The following DPP10 variants were observed in gnomAD, a reference collection of about 807,000 sequenced individuals.
DPP10 encodes the protein dipeptidyl peptidase like 10.
Under a neutral mutation model 120.9 loss-of-function variants are expected in DPP10, and 33 were observed. That is an observed-to-expected ratio of 0.27 (90% confidence interval 0.21 to 0.37). The LOEUF is 0.37. Among genes scored for constraint, DPP10 ranks in the 10% least tolerant of loss-of-function variants. DPP10 has a pLI of 1.00. For synonymous variants in DPP10, 337 were observed against 326.1 expected (o/e 1.03, Z -0.36); for missense variants, 816 against 942.8 (o/e 0.87, Z 1.76).
intron 5 of DPP10, among the ~76,000 whole-genome samples, chr2:115,649,376 A>G (rs4592858): frequency 2.6e-5 from 4 of 152,110 alleles, no homozygotes; most frequent in African/African-American, 4.8e-5. Flanking sequence ...AAAGATTAAC[A>G]TTAAACTCGT....
At chr2:115,344,461 G>T (rs569667835) in intron 3 of DPP10, among the ~76,000 whole-genome samples, 11 of 152,172 alleles carry the variant, frequency 7.2e-5, no homozygotes, top group African/African-American at 2.4e-4. Flanking sequence ...AATATGATTG[G>T]TTTTTGTTAT....
intron 1 of DPP10, among the ~76,000 whole-genome samples, chr2:115,022,074 A>G (rs969833162): frequency 1.3e-5 from 2 of 152,158 alleles, no homozygotes; most frequent in Admixed American, 1.3e-4. Context: ...AACGGGGAAA[A>G]GTTGAAAGCA....
At chr2:115,474,046 C>A (rs2074910443) in intron 3 of DPP10, among the ~76,000 whole-genome samples, 1 of 152,116 alleles carries the variant, frequency 6.6e-6, no homozygotes, top group South Asian at 2.1e-4. Context: ...GACGTCGTGA[C>A]CTTTAACTCA....
intron 2 of DPP10, among the ~76,000 whole-genome samples, chr2:115,331,687 G>A (rs1320816634): frequency 6.6e-6 from 1 of 152,112 alleles, no homozygotes; most frequent in East Asian, 1.9e-4. Flanking sequence ...TAATCATATG[G>A]TTTTTGTCTT....
chr2:115,714,429 A>G (rs1302847492), intron 7 of DPP10, among the ~76,000 whole-genome samples: 1 of 152,186 alleles, frequency 6.6e-6, no homozygotes, highest in Non-Finnish European at 1.5e-5. Context: ...CCAAAATTGG[A>G]CCAGTATTGT....
chr2:114,609,790 G>A (rs1234465517), intron 1 of DPP10, among the ~76,000 whole-genome samples: 1 of 152,126 alleles, frequency 6.6e-6, no homozygotes, highest in Non-Finnish European at 1.5e-5. Context: ...AACCTTCAAA[G>A]AGCATCAACA....
At chr2:115,528,851 G>T (rs2078288730) in intron 5 of DPP10, among the ~76,000 whole-genome samples, 1 of 149,894 alleles carries the variant, frequency 6.7e-6, no homozygotes, top group Admixed American at 6.6e-5. Context: ...GTTTCCAGGA[G>T]AAAAGGAGGG....
chr2:115,828,825 G>A (rs1489661907), intron 21 of DPP10, among the ~76,000 whole-genome samples: 1 of 151,970 alleles, frequency 6.6e-6, no homozygotes, highest in Non-Finnish European at 1.5e-5. Flanking sequence ...AAAATAAATT[G>A]TATATTTATT....
chr2:115,322,500 C>T (rs1001991386), intron 2 of DPP10, among the ~76,000 whole-genome samples: 1 of 152,162 alleles, frequency 6.6e-6, no homozygotes, highest in South Asian at 2.1e-4. Flanking sequence ...ACTTAGCCAG[C>T]CCATTTACAA....
At chr2:115,598,977 C>A (rs1341087070) in intron 5 of DPP10, among the ~76,000 whole-genome samples, 1 of 151,174 alleles carries the variant, frequency 6.6e-6, no homozygotes, top group Non-Finnish European at 1.5e-5. Context: ...TATTTTTTAC[C>A]TCTGTAAAGG....
chr2:115,287,330 C>T lies in DPP10; in HGVS notation c.61-21909C>T, dbSNP rs201703402. Among the ~76,000 whole-genome samples, 228 of 152,006 alleles carry T rather than the reference C, an allele frequency of 1.5e-3. 1 individual carries two copies. Among genetic ancestry groups the T allele is most frequent in the African/African-American group, 5.2e-3 (215 of 41,486 alleles). On this transcript the variant is annotated intron_variant, in intron 1 of 25. Transcript: ENST00000410059. Reference sequence around the variant, plus strand: ...TTTCAGTAGCTTGAGGGGTACAAGTCGTGCTGGGTTATGTGGATGATCGTA... The same window carrying T: ...TTTCAGTAGCTTGAGGGGTACAAGTTGTGCTGGGTTATGTGGATGATCGTA...
chr2:115,100,562 G>A (rs1419577664), intron 1 of DPP10, among the ~76,000 whole-genome samples: 2 of 151,944 alleles, frequency 1.3e-5, no homozygotes, highest in Non-Finnish European at 2.9e-5. Flanking sequence ...GTATGTACAT[G>A]TGTGTGTGTA....
intron 17 of DPP10, among the ~76,000 whole-genome samples, chr2:115,787,615 A>G (rs1683484913): frequency 6.6e-6 from 1 of 152,142 alleles, no homozygotes; most frequent in Non-Finnish European, 1.5e-5. Flanking sequence ...CATCTATCAT[A>G]TTTGTAATTA....
intron 12 of DPP10, among the ~76,000 whole-genome samples, chr2:115,767,437 A>C (rs1462652700): frequency 6.6e-6 from 1 of 151,674 alleles, no homozygotes; most frequent in African/African-American, 2.4e-5. Flanking sequence ...TTTTTCCTGA[A>C]GAAAGAGCAG....
chr2:114,930,145 T>G (rs1695961349), intron 1 of DPP10, among the ~76,000 whole-genome samples: 2 of 152,168 alleles, frequency 1.3e-5, no homozygotes, highest in African/African-American at 4.8e-5. Context: ...GACCTTTTTT[T>G]CTATTGTTTG....
At position 114,720,990 on chromosome 2, in the gene DPP10, G is replaced by T. The variant is rs1207071458; in HGVS notation, c.60+278152G>T. ...GCCCTAGAAAACTACCCAAATTGCAGCAGACTTTGCATTAACAAGAAACAC... is the reference window on the plus strand; with the variant it reads ...GCCCTAGAAAACTACCCAAATTGCATCAGACTTTGCATTAACAAGAAACAC... On this transcript the variant is annotated intron_variant, in intron 1 of 25. Coordinates refer to ENST00000410059, the MANE Select transcript of DPP10 (RefSeq NM_020868.6). Among the ~76,000 whole-genome samples the T allele has an allele frequency of 3.3e-5, 5 of 152,192 alleles. No homozygotes were observed. The East Asian group carries it at 9.6e-4, about 29-fold the overall frequency.
chr2:115,547,530 T>C (rs2079586306), intron 5 of DPP10, among the ~76,000 whole-genome samples: 1 of 152,150 alleles, frequency 6.6e-6, no homozygotes, highest in African/African-American at 2.4e-5. Flanking sequence ...TCCCAGCACT[T>C]TGGGACACTA....
chr2:114,829,070 C>T (rs998053559), intron 1 of DPP10, among the ~76,000 whole-genome samples: 7 of 151,990 alleles, frequency 4.6e-5, no homozygotes, highest in South Asian at 4.1e-4. Context: ...GAGTGGATCA[C>T]GAGGTCAGGA....
chr2:115,319,500 A>T (rs547429366), intron 2 of DPP10, among the ~76,000 whole-genome samples: 36 of 152,268 alleles, frequency 2.4e-4, no homozygotes, highest in Non-Finnish European at 4.4e-4. Flanking sequence ...TTCACAAGTG[A>T]AGTCATCTGG....
Sources: gnomAD v4.1 joint callset for allele counts (sites outside exome capture counted in the v4.1 genomes callset) on GRCh38, gnomAD v4.1.1 for gene constraint, MANE v1.5 for transcripts, NCBI Gene and HGNC (gene_info 2026-07-23, HGNC 2026-07-21) for gene names.